The following PRKCB variants were observed in gnomAD, a reference collection of about 807,000 sequenced individuals.
PRKCB encodes protein kinase C beta.
A neutral mutation model predicts 81.5 loss-of-function variants in PRKCB; 13 were observed. The ratio of observed to expected loss-of-function variants is 0.16; its 90% CI spans 0.10 to 0.25. The LOEUF is 0.25. Among genes scored for constraint, PRKCB ranks in the 10% least tolerant of loss-of-function variants. PRKCB has a pLI of 1.00. For missense variants in PRKCB, 509 were observed against 875.7 expected, an observed-to-expected ratio of 0.58 and a Z score of 5.29; for synonymous variants, 335 against 321.4, an observed-to-expected ratio of 1.04 and a Z score of -0.45.
intron 3 of PRKCB, among the ~76,000 whole-genome samples, chr16:24,005,619 G>A (rs1429958800): frequency 6.6e-6 from 1 of 152,186 alleles, no homozygotes; most frequent in African/African-American, 2.4e-5. Flanking sequence ...AGCATCTTCA[G>A]GTGCTTCTAA....
At chr16:24,146,036 G>T (rs961520317) in intron 9 of PRKCB, among the ~76,000 whole-genome samples, 2 of 152,180 alleles carry the variant, frequency 1.3e-5, no homozygotes, top group South Asian at 4.1e-4. Context: ...TTTGGATACC[G>T]ACAGAACACA....
At chr16:23,842,557 C>G (rs953970993) in intron 2 of PRKCB, among the ~76,000 whole-genome samples, 4 of 152,158 alleles carry the variant, frequency 2.6e-5, no homozygotes, top group Admixed American at 2.6e-4. Flanking sequence ...AAACCCATGC[C>G]TGGTTAGCAT....
At chr16:24,058,120 T>G (rs1379955195) in intron 5 of PRKCB, among the ~76,000 whole-genome samples, 1 of 152,160 alleles carries the variant, frequency 6.6e-6, no homozygotes, top group Admixed American at 6.5e-5. Flanking sequence ...TCCCTCAGCT[T>G]GGGTTGCTTT....
chr16:24,021,043 T>TC, intron 3 of PRKCB, among the ~76,000 whole-genome samples: 5 of 88,966 alleles, frequency 5.6e-5, no homozygotes, highest in East Asian at 3.2e-4. Flanking sequence ...TTTCTTTCTC[T>TC]TTCTTTCTTT....
intron 7 of PRKCB, among the ~76,000 whole-genome samples, chr16:24,104,525 G>A (rs757781706): frequency 1.4e-4 from 21 of 152,214 alleles, no homozygotes; most frequent in Non-Finnish European, 2.6e-4. Flanking sequence ...GTTTGAGGCT[G>A]ATAAGTGTCA....
At chr16:24,213,072 T>C (rs1968171124) in intron 16 of PRKCB, among the ~76,000 whole-genome samples, 1 of 151,478 alleles carries the variant, frequency 6.6e-6, no homozygotes, top group Non-Finnish European at 1.5e-5. Context: ...TCTCGCTCTG[T>C]CACCCAGGCT....
At chr16:24,081,126 CAT>C (rs796502324) in intron 5 of PRKCB, among the ~76,000 whole-genome samples, 117 of 152,002 alleles carry the variant, frequency 7.7e-4, no homozygotes, top group African/African-American at 2.6e-3. Context: ...TTTTTAGTGT[CAT>C]GTGTAAGAAC....
At chr16:23,865,124 GGA>G (rs1962748678) in intron 2 of PRKCB, among the ~76,000 whole-genome samples, 1 of 152,044 alleles carries the variant, frequency 6.6e-6, no homozygotes, top group African/African-American at 2.4e-5. Context: ...CAGAAACACA[GGA>G]GATCCTCAGG....
intron 5 of PRKCB, among the ~76,000 whole-genome samples, chr16:24,073,536 TGTTGCCCA>T (rs1267546379): frequency 1.3e-5 from 2 of 152,264 alleles, no homozygotes; most frequent in Non-Finnish European, 2.9e-5. Context: ...AGTCTTGCTA[TGTTGCCCA>T]GGCTAATCTC....
At chr16:24,019,848 C>A (rs1279845620) in intron 3 of PRKCB, among the ~76,000 whole-genome samples, 1 of 152,040 alleles carries the variant, frequency 6.6e-6, no homozygotes, top group East Asian at 1.9e-4. Flanking sequence ...GAGTAGTCTT[C>A]CATTATGTGG....
chr16:24,106,932 CCTTTT>C (rs1383073460), intron 7 of PRKCB, among the ~76,000 whole-genome samples: 1 of 152,100 alleles, frequency 6.6e-6, no homozygotes, highest in Non-Finnish European at 1.5e-5. Flanking sequence ...TCCTCCTCCT[CCTTTT>C]CATGTTGTAA....
At chr16:24,124,708 C>A (rs186570107) in intron 9 of PRKCB, among the ~76,000 whole-genome samples, 5 of 152,074 alleles carry the variant, frequency 3.3e-5, no homozygotes, top group Non-Finnish European at 4.4e-5. Context: ...AGTCTCTTTG[C>A]GTGCCACAAA....
In PRKCB at chr16:23,970,150, C is replaced by T. The variant is rs1236479944; in HGVS notation, c.206-18358C>T. On this transcript the variant is annotated intron_variant, in intron 2 of 16. Transcript: ENST00000643927. ...AGGGTATTAAAACGTGACAAGAAGG[C>T]TGAGTTAAGAGACTGCAGGCAGCTT... Among the ~76,000 whole-genome samples, 8 of 152,158 alleles carry T rather than the reference C, an allele frequency of 5.3e-5. No homozygotes were observed. The South Asian group carries it at 6.2e-4, about 12-fold the overall frequency.
At chr16:23,993,199 C>A (rs1274068705) in intron 3 of PRKCB, among the ~76,000 whole-genome samples, 1 of 151,896 alleles carries the variant, frequency 6.6e-6, no homozygotes, top group Non-Finnish European at 1.5e-5. Flanking sequence ...ACAAGCAGAA[C>A]CATAGGGAAT....
intron 3 of PRKCB, among the ~76,000 whole-genome samples, chr16:24,025,967 C>T (rs1225696330): frequency 6.6e-6 from 1 of 152,096 alleles, no homozygotes; most frequent in Admixed American, 6.5e-5. Flanking sequence ...GGAGAGAGTA[C>T]ATGTGAGACA....
intron 3 of PRKCB, among the ~76,000 whole-genome samples, chr16:24,028,811 T>G (rs1478682475): frequency 6.6e-6 from 1 of 152,024 alleles, no homozygotes; most frequent in Admixed American, 6.5e-5. Context: ...GTTGTTTTTT[T>G]TTTTTCCCCT....
chr16:24,137,481 G>T (rs141592231), intron 9 of PRKCB, among the ~76,000 whole-genome samples: 37 of 152,296 alleles, frequency 2.4e-4, no homozygotes, highest in African/African-American at 8.7e-4. Context: ...GAGTCACGTC[G>T]CTGGGCCCTG....
At chr16:23,968,349 T>C (rs956451258) in intron 2 of PRKCB, among the ~76,000 whole-genome samples, 7 of 152,132 alleles carry the variant, frequency 4.6e-5, no homozygotes, top group Admixed American at 2.0e-4. Context: ...ATAAGGAATG[T>C]GGAAGCACCT....
rs550132977 is a variant in PRKCB, at chr16:23,906,092, G to A, written c.205+68686G>A. ...GGTGTCGCATTGGAATCATGAGGAC[G>A]GAGGATATGTGCTTTAAAATGTGGA... On this transcript the variant is annotated intron_variant, in intron 2 of 16. Coordinates refer to ENST00000643927, the MANE Select transcript of PRKCB (RefSeq NM_002738.7). Among the ~76,000 whole-genome samples, 104 of 152,290 alleles carry A rather than the reference G, an allele frequency of 6.8e-4. 1 individual carries two copies. Among genetic ancestry groups the A allele is most frequent in the African/African-American group, 2.4e-3 (99 of 41,548 alleles).
Sources: gnomAD v4.1 joint callset for allele counts (sites outside exome capture counted in the v4.1 genomes callset) on GRCh38, gnomAD v4.1.1 for gene constraint, MANE v1.5 for transcripts, NCBI Gene and HGNC (gene_info 2026-07-23, HGNC 2026-07-21) for gene names.